The following CDK6 variants were observed in gnomAD, a reference collection of about 807,000 sequenced individuals.
The protein encoded by CDK6 is cyclin-dependent kinase 6.
CDK6 carries 6 observed loss-of-function variants against 37.1 expected under a neutral mutation model. The ratio of observed to expected loss-of-function variants is 0.16; its 90% CI spans 0.09 to 0.32. The LOEUF (loss-of-function observed/expected upper bound fraction) is 0.32, where lower values mean the gene tolerates loss of function less well. Among genes scored for constraint, CDK6 ranks in the 10% least tolerant of loss-of-function variants. The pLI is 1.00. For missense variants in CDK6, 224 were observed against 418.9 expected (o/e 0.53, Z 4.06); for synonymous variants, 160 against 161.3 (o/e 0.99, Z 0.06).
At chr7:92,707,690 G>A (rs111702206) in intron 4 of CDK6, among the ~76,000 whole-genome samples, 5,556 of 152,290 alleles carry the variant, frequency 0.036, 150 homozygotes, top group Non-Finnish European at 0.057. Flanking sequence ...GAAAACGTGC[G>A]TGCATGCGCA....
intron 5 of CDK6, among the ~76,000 whole-genome samples, chr7:92,628,396 C>T (rs1438226924): frequency 6.6e-6 from 1 of 152,000 alleles, no homozygotes; most frequent in Admixed American, 6.6e-5. Context: ...CTATTATATT[C>T]GTTTACCTGT....
chr7:92,766,934 C>T (rs946535512), intron 3 of CDK6, among the ~76,000 whole-genome samples: 2 of 152,130 alleles, frequency 1.3e-5, no homozygotes, highest in African/African-American at 4.8e-5. Context: ...AAGAAACTAG[C>T]TTTTCTTAAA....
At chr7:92,680,183 A>G (rs1405327437) in intron 4 of CDK6, among the ~76,000 whole-genome samples, 1 of 151,414 alleles carries the variant, frequency 6.6e-6, no homozygotes, top group Non-Finnish European at 1.5e-5. Context: ...CTGTAATCCC[A>G]GCACTTTGGG....
At chr7:92,802,172 C>CCCT (rs938521550) in intron 2 of CDK6, among the ~76,000 whole-genome samples, 22 of 152,050 alleles carry the variant, frequency 1.4e-4, no homozygotes, top group African/African-American at 5.3e-4. Context: ...GATCATCCAC[C>CCCT]CCTCCATCCA....
intron 3 of CDK6, among the ~76,000 whole-genome samples, chr7:92,762,144 G>A (rs1483266423): frequency 6.6e-6 from 1 of 152,174 alleles, no homozygotes; most frequent in Non-Finnish European, 1.5e-5. Context: ...TATGATCAGA[G>A]TAATAATCAT....
chr7:92,771,141 C>T (rs1799705208), intron 3 of CDK6, among the ~76,000 whole-genome samples: 1 of 151,154 alleles, frequency 6.6e-6, no homozygotes, highest in South Asian at 2.1e-4. Flanking sequence ...GAGGCTGAGG[C>T]AGGAGAATCG....
At chr7:92,721,999 A>T in intron 4 of CDK6, among the ~76,000 whole-genome samples, 1 of 152,222 alleles carries the variant, frequency 6.6e-6, no homozygotes, top group Middle Eastern at 3.2e-3. Flanking sequence ...GAAATTAAGG[A>T]GAAGTAGTAC....
intron 5 of CDK6, among the ~76,000 whole-genome samples, chr7:92,623,919 G>T (rs3731348): frequency 0.044 from 6,717 of 152,088 alleles, 184 homozygotes; most frequent in Non-Finnish European, 0.058. Flanking sequence ...CTCAACAAAT[G>T]CCATAAACAG....
At chr7:92,774,640 C>A (rs1006129159) in intron 3 of CDK6, 56 bp downstream of exon 3, 4 of 1,456,674 alleles carry the variant, frequency 2.7e-6, no homozygotes, top group Non-Finnish European at 3.7e-6. Context: ...AAAGCCATTG[C>A]TTAACAGACT....
intron 4 of CDK6, among the ~76,000 whole-genome samples, chr7:92,715,497 T>C (rs901507270): frequency 6.6e-6 from 1 of 152,188 alleles, no homozygotes; most frequent in African/African-American, 2.4e-5. Context: ...AACATTCAAA[T>C]TTATGAAGGA....
intron 3 of CDK6, among the ~76,000 whole-genome samples, chr7:92,759,866 G>A (rs745394097): frequency 2.0e-5 from 3 of 152,096 alleles, no homozygotes; most frequent in Non-Finnish European, 4.4e-5. Flanking sequence ...GTATGGCCAT[G>A]CACATACAAT....
intron 3 of CDK6, among the ~76,000 whole-genome samples, chr7:92,760,986 T>C (rs984498600): frequency 6.6e-6 from 1 of 152,118 alleles, no homozygotes; most frequent in African/African-American, 2.4e-5. Flanking sequence ...TATATGTACA[T>C]CTTTGCAAAT....
At chr7:92,660,227 G>A (rs575779201) in intron 5 of CDK6, among the ~76,000 whole-genome samples, 1 of 152,174 alleles carries the variant, frequency 6.6e-6, no homozygotes, top group Non-Finnish European at 1.5e-5. Flanking sequence ...AAAGATAGTG[G>A]CTCAGGAAAG....
intron 2 of CDK6, among the ~76,000 whole-genome samples, chr7:92,782,721 C>T (rs990815235): frequency 7.2e-5 from 11 of 152,126 alleles, no homozygotes; most frequent in African/African-American, 2.4e-4. Flanking sequence ...GTTTGATCTA[C>T]CCCTGGATTT....
At chr7:92,658,532 A>G (rs1277620210) in intron 5 of CDK6, among the ~76,000 whole-genome samples, 4 of 152,194 alleles carry the variant, frequency 2.6e-5, no homozygotes, top group African/African-American at 4.8e-5. Context: ...AAAAATTTAC[A>G]TATGTACATG....
At position 92,623,147 on chromosome 7, in the gene CDK6, T is replaced by G. The variant is rs1172245304; in HGVS notation, c.648-61A>C. The G allele has an allele frequency of 5.2e-6, 6 of 1,146,636 alleles. No homozygotes were observed. The Admixed American group carries it at 1.0e-4, about 19-fold the overall frequency. 71.0% of individuals were successfully genotyped at this position (1,146,636 alleles called of 1,614,324 possible). ...TTCTCAGATTACATTTCAATCATATTTGCCATTATCATTGTTTCACAGGAA... is the reference window on the plus strand; with the variant it reads ...TTCTCAGATTACATTTCAATCATATGTGCCATTATCATTGTTTCACAGGAA... On this transcript the variant is annotated intron_variant, in intron 5 of 7. Transcript: ENST00000424848.
intron 5 of CDK6, among the ~76,000 whole-genome samples, chr7:92,640,314 C>T (rs1212574308): frequency 6.6e-6 from 1 of 152,158 alleles, no homozygotes; most frequent in East Asian, 1.9e-4. Context: ...TCAATGCTAG[C>T]CTATCATAAA....
chr7:92,627,508 T>C (rs947363977), intron 5 of CDK6, among the ~76,000 whole-genome samples: 1 of 152,068 alleles, frequency 6.6e-6, no homozygotes, highest in African/African-American at 2.4e-5. Flanking sequence ...CGATCATCAA[T>C]GAATGAGGAA....
In CDK6 at chr7:92,834,742, C is replaced by T. The variant is rs113510157; in HGVS notation, c.-367-1052G>A. ...AGAGAGAAGGTCTCTGTCCTCGGGG[C>T]CCGGACTCGCGAACCTTTTCCCATT... On this transcript the variant is annotated intron_variant, in intron 1 of 7. Coordinates refer to ENST00000424848, the MANE Select transcript of CDK6 (RefSeq NM_001145306.2). This position sits in a 1 kb window ranked among gnomAD's most constrained non-coding sequence, Gnocchi z 4.6. Among the ~76,000 whole-genome samples the T allele has an allele frequency of 9.5e-3, 1,438 of 152,108 alleles. 9 individuals carry two copies. The highest frequency in any genetic ancestry group is 0.017 in the Non-Finnish European group (1,170 of 67,956).
Sources: allele counts gnomAD v4.1 joint callset (sites outside exome capture counted in the v4.1 genomes callset), GRCh38; gene constraint gnomAD v4.1.1; non-coding constraint Gnocchi (gnomAD v3.1); transcripts MANE v1.5; gene names NCBI Gene and HGNC (gene_info 2026-07-23, HGNC 2026-07-21).